RBM47: variants seen among roughly 807,000 people sequenced by gnomAD.
RBM47 encodes RNA-binding protein 47.
In RBM47, 21 loss-of-function variants were observed where a neutral mutation model predicts 47.1. The ratio of observed to expected loss-of-function variants is 0.45; its 90% CI spans 0.32 to 0.64. The LOEUF (loss-of-function observed/expected upper bound fraction) is 0.64, where lower values mean the gene tolerates loss of function less well. Among genes scored for constraint, RBM47 ranks in the 30% least tolerant of loss-of-function variants. The pLI is 0.05. For synonymous variants in RBM47, 375 were observed against 361.7 expected, an observed-to-expected ratio of 1.04 and a Z score of -0.42; for missense variants, 708 against 870.9, an observed-to-expected ratio of 0.81 and a Z score of 2.35.
chr4:40,426,695 G>A (rs1715098899), intron 6 of RBM47: 2 of 152,298 alleles, frequency 1.3e-5, no homozygotes, highest in Admixed American at 6.5e-5. Context: ...TACCTAATAT[G>A]ATGCAAATGT....
intron 3 of RBM47, among the ~76,000 whole-genome samples, chr4:40,439,325 G>T (rs1188781897): frequency 3.9e-5 from 6 of 152,126 alleles, no homozygotes; most frequent in Non-Finnish European, 8.8e-5. Flanking sequence ...TATTTCTTTG[G>T]TGAACACAGC....
chr4:40,516,421 G>A (rs1725589238), intron 2 of RBM47, among the ~76,000 whole-genome samples: 1 of 151,844 alleles, frequency 6.6e-6, no homozygotes, highest in African/African-American at 2.4e-5. Context: ...CACCATGCCT[G>A]GCTAATTTTT....
rs1380698602 is a variant in RBM47 at position 40,582,369 on chromosome 4, A to G, written c.-239-37863T>C. 2.6e-5 allele frequency among the ~76,000 whole-genome samples: 4 copies of G among 152,238 alleles called. No homozygotes were observed. In the East Asian group the frequency reaches 5.8e-4, roughly 22 times the overall value. On this transcript the variant is annotated intron_variant, in intron 1 of 6. Transcript: ENST00000295971. ...GTCAACATGGTAAAACCCCGACTCT[A>G]CCAAAAATACAAAAATTAGCCAGGT...
intron 3 of RBM47, among the ~76,000 whole-genome samples, chr4:40,464,018 T>C (rs1717575890): frequency 6.6e-6 from 1 of 152,158 alleles, no homozygotes. Flanking sequence ...ATTCCATTTA[T>C]AGACATGTAT....
At chr4:40,608,756 A>G (rs1735984752) in intron 1 of RBM47, among the ~76,000 whole-genome samples, 1 of 152,204 alleles carries the variant, frequency 6.6e-6, no homozygotes, top group South Asian at 2.1e-4. Context: ...GGCAAGTACA[A>G]TCCTAAAATT....
At chr4:40,590,234 T>A (rs559779918) in intron 1 of RBM47, among the ~76,000 whole-genome samples, 2 of 152,272 alleles carry the variant, frequency 1.3e-5, no homozygotes, top group South Asian at 2.1e-4. Flanking sequence ...ACTGATTCAC[T>A]TTTTAAAGAT....
At chr4:40,464,363 T>G (rs971430213) in intron 3 of RBM47, among the ~76,000 whole-genome samples, 1 of 152,196 alleles carries the variant, frequency 6.6e-6, no homozygotes, top group African/African-American at 2.4e-5. Flanking sequence ...CATATTTACA[T>G]ATATAATACA....
intron 1 of RBM47, among the ~76,000 whole-genome samples, chr4:40,603,099 C>G (rs931891415): frequency 2.6e-5 from 4 of 152,086 alleles, no homozygotes; most frequent in Non-Finnish European, 4.4e-5. Flanking sequence ...TAGTCAGCAC[C>G]CCAGAAGTCC....
At chr4:40,622,753 A>T (rs577276612) in intron 1 of RBM47, among the ~76,000 whole-genome samples, 1 of 152,302 alleles carries the variant, frequency 6.6e-6, no homozygotes, top group East Asian at 1.9e-4. Context: ...ATGGTGGTGC[A>T]TGTCTGTAAT....
In RBM47 at chr4:40,573,331, C is replaced by A. The variant is rs183582788; in HGVS notation, c.-239-28825G>T. 5.9e-3 allele frequency among the ~76,000 whole-genome samples: 893 copies of A among 151,862 alleles called. 12 individuals are homozygous for A. The highest frequency in any genetic ancestry group is 0.02 in the African/African-American group (840 of 41,440). On this transcript the variant is annotated intron_variant, in intron 1 of 6. Transcript: ENST00000295971. ...TGATTTTAATTATCTCCTTTGTGTT[C>A]TGTGTTTCTCCAGGGCCACTGTTAA...
chr4:40,462,036 T>C (rs1717217347), intron 3 of RBM47, among the ~76,000 whole-genome samples: 1 of 152,118 alleles, frequency 6.6e-6, no homozygotes, highest in Admixed American at 6.5e-5. Flanking sequence ...TACAGAATCT[T>C]GTTCATGTGG....
intron 6 of RBM47, among the ~76,000 whole-genome samples, chr4:40,430,197 A>AAAAC (rs145107424): frequency 0.088 from 13,149 of 150,166 alleles, 682 homozygotes; most frequent in Admixed American, 0.14. Context: ...ACCGTCGCAA[A>AAAAC]AAACAAACAA....
intron 2 of RBM47, among the ~76,000 whole-genome samples, chr4:40,528,600 A>C (rs1413912174): frequency 2.0e-5 from 3 of 151,488 alleles, no homozygotes; most frequent in African/African-American, 7.3e-5. Context: ...ACCCATCTCT[A>C]CTAAAAATAC....
chr4:40,557,264 A>C (rs1730188877), intron 1 of RBM47, among the ~76,000 whole-genome samples: 1 of 152,034 alleles, frequency 6.6e-6, no homozygotes, highest in South Asian at 2.1e-4. Context: ...ATTCTCACCC[A>C]CATCTTGGTG....
chr4:40,510,789 G>A (rs1212494579), intron 2 of RBM47, among the ~76,000 whole-genome samples: 1 of 152,074 alleles, frequency 6.6e-6, no homozygotes, highest in Non-Finnish European at 1.5e-5. Context: ...AGTCAATAGG[G>A]GGACGGGCAT....
chr4:40,445,595 C>G (rs1011884760), intron 3 of RBM47, among the ~76,000 whole-genome samples: 6 of 152,190 alleles, frequency 3.9e-5, no homozygotes, highest in African/African-American at 1.4e-4. Flanking sequence ...ACTCAGTTAA[C>G]TGAATTACGC....
At chr4:40,520,176 G>T (rs971636793) in intron 2 of RBM47, among the ~76,000 whole-genome samples, 9 of 152,060 alleles carry the variant, frequency 5.9e-5, no homozygotes, top group African/African-American at 2.2e-4. Context: ...GGTTGTATTA[G>T]AATTCCCCGT....
chr4:40,452,529 G>A (rs978036086), intron 3 of RBM47, among the ~76,000 whole-genome samples: 2 of 152,162 alleles, frequency 1.3e-5, no homozygotes, highest in African/African-American at 4.8e-5. Context: ...GGAGGCCTGA[G>A]TAGTGTTTAT....
intron 1 of RBM47, among the ~76,000 whole-genome samples, chr4:40,555,709 A>T (rs1430307882): frequency 3.9e-5 from 6 of 152,232 alleles, no homozygotes. Context: ...CGGCCGCCAC[A>T]TCATCCTGCC....
Sources: gnomAD v4.1 joint callset for allele counts (sites outside exome capture counted in the v4.1 genomes callset) on GRCh38, gnomAD v4.1.1 for gene constraint, MANE v1.5 for transcripts, NCBI Gene and HGNC (gene_info 2026-07-23, HGNC 2026-07-21) for gene names.